Variants in MAN2B2 observed in about 807,000 individuals in gnomAD.
MAN2B2 encodes mannosidase alpha class 2B member 2.
MAN2B2 carries 106 observed loss-of-function variants against 117.1 expected under a neutral mutation model. The observed-to-expected ratio is 0.90, with a 90% CI of 0.77 to 1.06. The LOEUF (loss-of-function observed/expected upper bound fraction) is 1.06, where lower values mean the gene tolerates loss of function less well. MAN2B2 is among the 50% of genes least tolerant of loss of function. The pLI, the probability that MAN2B2 is intolerant of heterozygous loss-of-function variation, is 0.00. For missense variants in MAN2B2, 1,326 were observed against 1,381.4 expected (o/e 0.96, Z 0.64); for synonymous variants, 544 against 595.1 (o/e 0.91, Z 1.25).
intron 16 of MAN2B2, among the ~76,000 whole-genome samples, chr4:6,615,014 T>G (rs1711795739): frequency 6.6e-6 from 1 of 152,202 alleles, no homozygotes; most frequent in Non-Finnish European, 1.5e-5. Context: ...CTGCCCCCTC[T>G]ACACCGTGAG....
chr4:6,576,719 T>C lies in MAN2B2; in HGVS notation c.280T>C (p.Tyr94His), dbSNP rs186781512. 1.4e-5 allele frequency: 23 copies of C among 1,613,746 alleles called. No homozygotes were observed. In the East Asian group the frequency reaches 4.7e-4, roughly 33 times the overall value. ...TGGCGTCGCCTCGGACCAGCAGAAATACCAGGTAATGAGGTCACCAGGTGA... is the reference window on the plus strand; with the variant it reads ...TGGCGTCGCCTCGGACCAGCAGAAACACCAGGTAATGAGGTCACCAGGTGA... ...WDGVASDQQK[Y>H]QVRQLLEEGR... Residue 94 changes from tyrosine (Y) to histidine (H), a missense_variant, in exon 2 of 19, where the codon TAC becomes CAC. Coordinates refer to ENST00000285599, the MANE Select transcript of MAN2B2 (RefSeq NM_015274.3).
chr4:6,597,389 C>A, intron 8 of MAN2B2, 86 bp downstream of exon 8: 1 of 1,366,754 alleles, frequency 7.3e-7, no homozygotes, highest in Non-Finnish European at 9.7e-7. Flanking sequence ...ATCCTTCCAG[C>A]CCTGGGGCAC....
At chr4:6,585,462 C>G (rs1726594727) in intron 3 of MAN2B2, among the ~76,000 whole-genome samples, 1 of 152,166 alleles carries the variant, frequency 6.6e-6, no homozygotes, top group African/African-American at 2.4e-5. Context: ...TTATACAAGT[C>G]TGGGGTTTTC....
At chr4:6,594,897 C>G (rs1261532422) in intron 7 of MAN2B2, among the ~76,000 whole-genome samples, 165 bp downstream of exon 7, 1 of 152,174 alleles carries the variant, frequency 6.6e-6, no homozygotes, top group Non-Finnish European at 1.5e-5. Context: ...CCTCTCTGCT[C>G]ACTCCACCTG....
chr4:6,597,218 G>A lies in MAN2B2; in HGVS notation c.1163G>A (p.Arg388His), dbSNP rs778269787. 29 of 1,608,526 alleles carry A rather than the reference G, an allele frequency of 1.8e-5. No individual in the cohort carries two copies. The South Asian group carries it at 2.6e-4, about 15-fold the overall frequency. Residue 388 changes from arginine (R) to histidine (H), a missense_variant, in exon 8 of 19, where the codon CGC (arginine) becomes CAC (histidine). Arg to His is a conservative substitution (Grantham distance 29). Coordinates refer to ENST00000285599, the MANE Select transcript of MAN2B2 (RefSeq NM_015274.3). ...LLYAGESMFTRYLWPAPRGHL... is the reference protein window; with the variant it reads ...LLYAGESMFTHYLWPAPRGHL... The stretch of plus-strand genomic sequence containing the variant: ...TATGCCGGGGAGTCCATGTTCACAC[G>A]CTACCTGTGGCCGGCCCCCCGTGGG...
At chr4:6,599,035 T>G (rs1454412326) in intron 9 of MAN2B2, among the ~76,000 whole-genome samples, 1 of 152,236 alleles carries the variant, frequency 6.6e-6, no homozygotes, top group Non-Finnish European at 1.5e-5. Flanking sequence ...CGCATGAGAC[T>G]TTTGTGTGCA....
chr4:6,597,172 C>A lies in MAN2B2; in HGVS notation c.1117C>A (p.Arg373=), dbSNP rs749006019. 6.2e-7 allele frequency: 1 copy of A among 1,612,948 alleles called. No homozygotes were observed. The highest frequency in any genetic ancestry group is 2.2e-5 in the East Asian group (1 of 44,860). The stretch of plus-strand genomic sequence containing the variant: ...CCGCAGCTCACTGAAGGGGCTGGCC[C>A]GGCGAGCCAGCGCCTTGTTGTATGC... ...TSRSSLKGLA[R]RASALLYAGE... is the part of the protein sequence containing the mutation. Residue 373 remains arginine (R), a synonymous_variant, in exon 8 of 19, where the codon CGG becomes AGG. Coordinates refer to ENST00000285599, the MANE Select transcript of MAN2B2 (RefSeq NM_015274.3).
intron 12 of MAN2B2, 143 bp from the exon 13 acceptor site, chr4:6,609,655 A>C: frequency 9.5e-7 from 1 of 1,050,790 alleles, no homozygotes; most frequent in South Asian, 1.5e-5. Context: ...GGGTGGTGCT[A>C]TTGTCCACAT....
intron 13 of MAN2B2, among the ~76,000 whole-genome samples, chr4:6,610,570 G>A (rs576305438): frequency 6.6e-6 from 1 of 152,362 alleles, no homozygotes; most frequent in Admixed American, 6.5e-5. Context: ...AGAATAGTAT[G>A]TGCCTTGGCT....
chr4:6,601,242 G>A (rs1477015408), intron 10 of MAN2B2, among the ~76,000 whole-genome samples: 2 of 152,192 alleles, frequency 1.3e-5, no homozygotes, highest in African/African-American at 2.4e-5. Flanking sequence ...GGTGGCTCAC[G>A]CCTGTAATCC....
Position 6,600,698 on chromosome 4 carries a change from C to T in MAN2B2, c.1481C>T (p.Thr494Ile). The T allele has an allele frequency of 6.2e-7, 1 of 1,614,052 alleles. No individual in the cohort carries two copies. Among genetic ancestry groups the T allele is most frequent in the Non-Finnish European group, 8.5e-7 (1 of 1,180,036 alleles). The change falls in exon 10 of 19, where the codon ACT (threonine) becomes ATT (isoleucine). Residue 494 changes from threonine (T) to isoleucine (I), a missense_variant. Thr to Ile is a moderately conservative substitution (Grantham distance 89, BLOSUM62 -1). Transcript: ENST00000285599. ...AWTVTTIVTL[T>I]VGFPGVRVTD... is the part of the protein sequence containing the mutation. ...ACGGTCACCACCATCGTCACCCTGA[C>T]TGTTGGTTTCCCTGGAGTCCGCGTC...
rs79363104 is a variant in MAN2B2, at chr4:6,597,874, T to C, written c.1249-324T>C. Among the ~76,000 whole-genome samples, 685 of 152,348 alleles carry C rather than the reference T, an allele frequency of 4.5e-3. 5 individuals are homozygous for C. Among genetic ancestry groups the C allele is most frequent in the Non-Finnish European group, 7.2e-3 (493 of 68,032 alleles). On this transcript the variant is annotated intron_variant, in intron 8 of 18. Transcript: ENST00000285599. ...ATCCAAAAAAGGGTCACACCAGCCATGACACTGTAACAGTTCCCCAAAAGG... is the reference window on the plus strand; with the variant it reads ...ATCCAAAAAAGGGTCACACCAGCCACGACACTGTAACAGTTCCCCAAAAGG...
At chr4:6,589,229 T>C (rs1016083440) in intron 5 of MAN2B2, 69 bp downstream of exon 5, 30 of 1,244,510 alleles carry the variant, frequency 2.4e-5, no homozygotes, top group Non-Finnish European at 3.4e-5. Context: ...GCAGCTGTTC[T>C]GCAGTTTTGT....
At chr4:6,578,594 C>T in intron 3 of MAN2B2, 96 bp downstream of exon 3, 1 of 1,012,706 alleles carries the variant, frequency 9.9e-7, no homozygotes, top group Non-Finnish European at 1.5e-6. Flanking sequence ...TCTGTCTGCC[C>T]CTCTTAGTGG....
rs896166335 is a variant in MAN2B2, at chr4:6,608,993, C to T, written c.1815-114C>T. 2.4e-5 allele frequency: 22 copies of T among 921,578 alleles called. No homozygotes were observed. The East Asian group carries it at 3.7e-4, about 16-fold the overall frequency. 57.1% of individuals were successfully genotyped at this position (921,578 alleles called of 1,614,324 possible). On this transcript the variant is annotated intron_variant, in intron 11 of 18. Coordinates refer to ENST00000285599, the MANE Select transcript of MAN2B2 (RefSeq NM_015274.3). ...CTAGATGAGCTGAGTCACATGGCCTCGTGAGTGCTACGCAGGCCACTCAGA... is the reference window on the plus strand; with the variant it reads ...CTAGATGAGCTGAGTCACATGGCCTTGTGAGTGCTACGCAGGCCACTCAGA...
intron 3 of MAN2B2, among the ~76,000 whole-genome samples, chr4:6,583,302 C>T (rs1726509948): frequency 6.6e-6 from 1 of 152,202 alleles, no homozygotes; most frequent in Admixed American, 6.5e-5. Flanking sequence ...GTCTATTTTG[C>T]TCCCAGTCCA....
rs1367500006 is a variant in MAN2B2, at chr4:6,620,457, C to A, written c.2932+413C>A. 4.0e-5 allele frequency: 8 copies of A among 201,174 alleles called. 1 individual carries two copies. The highest frequency in any genetic ancestry group is 1.9e-4 in the African/African-American group (8 of 43,186). The allele number at this position is 201,174 out of a possible 1,614,324, so 12.5% of individuals were successfully genotyped here. Reference sequence around the variant, plus strand: ...TTCCAGGCTCCACTCCCTGTCCGCACCATGCCCTCTGCCTGGGACGCACAG... The same window carrying A: ...TTCCAGGCTCCACTCCCTGTCCGCAACATGCCCTCTGCCTGGGACGCACAG... On this transcript the variant is annotated intron_variant, in intron 18 of 18. Transcript: ENST00000285599.
intron 15 of MAN2B2, among the ~76,000 whole-genome samples, chr4:6,612,045 CTA>C (rs1343894296): frequency 6.6e-6 from 1 of 152,250 alleles, no homozygotes. Flanking sequence ...GCCATTCTCA[CTA>C]ATCCTTAAAC....
intron 16 of MAN2B2, among the ~76,000 whole-genome samples, chr4:6,616,943 G>A (rs1412452484): frequency 4.6e-5 from 7 of 152,166 alleles, no homozygotes; most frequent in African/African-American, 1.4e-4. Context: ...AGACATACCC[G>A]AGACTGGGTA....
Sources: allele counts gnomAD v4.1 joint callset (sites outside exome capture counted in the v4.1 genomes callset), GRCh38; gene constraint gnomAD v4.1.1; transcripts MANE v1.5; gene names NCBI Gene and HGNC (gene_info 2026-07-23, HGNC 2026-07-21).